MTA3: variants seen among roughly 807,000 people sequenced by gnomAD.
MTA3 encodes the protein metastasis-associated protein MTA3.
MTA3 carries 34 observed loss-of-function variants against 83.5 expected under a neutral mutation model. The ratio of observed to expected loss-of-function variants is 0.41; its 90% CI spans 0.31 to 0.54. MTA3 has a LOEUF of 0.54. Ranked by LOEUF, MTA3 falls within the 20% of genes least tolerant of loss-of-function variation. The pLI is 0.33. For missense variants in MTA3, 761 were observed against 726.4 expected (o/e 1.05, Z -0.55); for synonymous variants, 303 against 252.7 (o/e 1.20, Z -1.89).
intron 4 of MTA3, among the ~76,000 whole-genome samples, chr2:42,630,862 AAATTT>A (rs1188001430): frequency 6.6e-6 from 1 of 152,188 alleles, no homozygotes; most frequent in Non-Finnish European, 1.5e-5. Context: ...AAGGATTTGT[AAATTT>A]AATTTATGTC....
chr2:42,669,083 A>AT (rs761988223), intron 8 of MTA3, among the ~76,000 whole-genome samples: 7,047 of 130,702 alleles, frequency 0.054, 223 homozygotes, highest in African/African-American at 0.072. Flanking sequence ...GAAAATACAG[A>AT]TTTTTTTTTT....
At chr2:42,658,794 G>GTCAA (rs1001886933) in intron 7 of MTA3, among the ~76,000 whole-genome samples, 56 of 152,104 alleles carry the variant, frequency 3.7e-4, no homozygotes, top group Admixed American at 3.3e-3. Context: ...TTCCTTAGGG[G>GTCAA]TCAACCACAA....
intron 16 of MTA3, among the ~76,000 whole-genome samples, chr2:42,738,854 C>T (rs1178224556): frequency 6.6e-6 from 1 of 152,212 alleles, no homozygotes; most frequent in East Asian, 1.9e-4. Flanking sequence ...ACTCCAGTCT[C>T]CCATAGCGCT....
intron 2 of MTA3, among the ~76,000 whole-genome samples, chr2:42,504,474 C>T (rs968384036): frequency 6.6e-5 from 10 of 152,174 alleles, no homozygotes; most frequent in Non-Finnish European, 1.2e-4. Flanking sequence ...CTCCTGACCT[C>T]AGGTGATCCA....
intron 14 of MTA3, among the ~76,000 whole-genome samples, chr2:42,712,367 A>C (rs1666696276): frequency 6.6e-6 from 1 of 151,872 alleles, no homozygotes; most frequent in Non-Finnish European, 1.5e-5. Context: ...GTACCATCAT[A>C]GCTCAGTGCA....
At chr2:42,543,859 A>G (rs1322020229) in intron 2 of MTA3, among the ~76,000 whole-genome samples, 1 of 151,668 alleles carries the variant, frequency 6.6e-6, no homozygotes, top group African/African-American at 2.4e-5. Flanking sequence ...TATTTTGTTC[A>G]TTTGTTTTTA....
intron 6 of MTA3, among the ~76,000 whole-genome samples, chr2:42,645,175 CA>C (rs1224226672): frequency 4.4e-3 from 177 of 39,890 alleles, no homozygotes; most frequent in African/African-American, 6.3e-3. Flanking sequence ...GACTCTGTCT[CA>C]AAAAAAAAAA....
At chr2:42,627,222 T>C (rs2104232082) in intron 4 of MTA3, among the ~76,000 whole-genome samples, 1 of 152,068 alleles carries the variant, frequency 6.6e-6, no homozygotes, top group East Asian at 1.9e-4. Context: ...GGACTGCAGG[T>C]GCTGGCCACC....
chr2:42,644,301 T>C, intron 6 of MTA3, 57 bp downstream of exon 6: 1 of 1,148,148 alleles, frequency 8.7e-7, no homozygotes, highest in Non-Finnish European at 1.3e-6. Context: ...GAAACTCAAA[T>C]ATACATGTCC....
At chr2:42,586,235 T>C (rs1165689393) in intron 3 of MTA3, among the ~76,000 whole-genome samples, 2 of 149,846 alleles carry the variant, frequency 1.3e-5, no homozygotes, top group African/African-American at 2.5e-5. Context: ...GACTGTACCA[T>C]TGCACTCCAG....
At chr2:42,532,550 T>C (rs569221044) in intron 2 of MTA3, among the ~76,000 whole-genome samples, 2 of 152,288 alleles carry the variant, frequency 1.3e-5, no homozygotes, top group East Asian at 1.9e-4. Flanking sequence ...GGCTGTTTTC[T>C]AACCAATTCA....
chr2:42,531,823 C>A (rs1558418068), intron 2 of MTA3, among the ~76,000 whole-genome samples: 1 of 151,590 alleles, frequency 6.6e-6, no homozygotes. Context: ...GTGGCACAAT[C>A]TCGGCTCACT....
chr2:42,575,500 A>G (rs1558449211), intron 2 of MTA3, among the ~76,000 whole-genome samples: 1 of 152,210 alleles, frequency 6.6e-6, no homozygotes, highest in Non-Finnish European at 1.5e-5. Context: ...TCATTTTACA[A>G]ATAAAATTGA....
At chr2:42,497,285 C>T (rs1399429649) in intron 2 of MTA3, among the ~76,000 whole-genome samples, 1 of 151,284 alleles carries the variant, frequency 6.6e-6, no homozygotes, top group African/African-American at 2.4e-5. Flanking sequence ...AGAAATTGTC[C>T]ATACAATAAA....
chr2:42,706,857 A>T (rs1166980867), intron 12 of MTA3, among the ~76,000 whole-genome samples: 1 of 152,138 alleles, frequency 6.6e-6, no homozygotes, highest in African/African-American at 2.4e-5. Context: ...CTTGAAAGGG[A>T]TTCTGTCTGT....
At chr2:42,592,240 A>G (rs1157782341) in intron 3 of MTA3, among the ~76,000 whole-genome samples, 2 of 151,652 alleles carry the variant, frequency 1.3e-5, no homozygotes, top group East Asian at 3.9e-4. Context: ...CTAGCCTGGG[A>G]GACAGAGTGA....
At chr2:42,497,576 C>T (rs376048433) in intron 2 of MTA3, among the ~76,000 whole-genome samples, 73 of 150,406 alleles carry the variant, frequency 4.9e-4, no homozygotes, top group African/African-American at 1.6e-3. Context: ...TGGAGCGAGA[C>T]TCCATCTCAA....
In MTA3 at chr2:42,754,508, C is replaced by T. The variant is rs1670107384; in HGVS notation, c.*1109C>T. ...GAGCCCTTGGTGGCATCACAGTTGG[C>T]CACTCAGCTGTGCTGAGTAGCTGTG... On this transcript the variant is annotated 3_prime_UTR_variant, in exon 17 of 17. Coordinates refer to ENST00000405094, the MANE Select transcript of MTA3 (RefSeq NM_001330442.2). 2.0e-6 allele frequency: 2 copies of T among 985,370 alleles called. No homozygotes were observed. The highest frequency in any genetic ancestry group is 2.4e-6 in the Non-Finnish European group (2 of 830,022). The allele number at this position is 985,370 out of a possible 1,614,324, so 61.0% of individuals were successfully genotyped here. A position where few individuals can be genotyped will look rare whatever the true frequency, so the allele number is the denominator to read the frequency against.
chr2:42,677,516 G>A (rs1469964793), intron 8 of MTA3, among the ~76,000 whole-genome samples: 1 of 151,886 alleles, frequency 6.6e-6, no homozygotes, highest in African/African-American at 2.4e-5. Context: ...CTGATTTTTT[G>A]TATTTTAGTA....
Sources: gnomAD v4.1 joint callset for allele counts (sites outside exome capture counted in the v4.1 genomes callset) on GRCh38, gnomAD v4.1.1 for gene constraint, MANE v1.5 for transcripts, NCBI Gene and HGNC (gene_info 2026-07-23, HGNC 2026-07-21) for gene names.